The following ADH7 variants were observed in gnomAD, a reference collection of about 807,000 sequenced individuals.
ADH7 encodes all-trans-retinol dehydrogenase [NAD(+)] ADH7.
Under a neutral mutation model 34.4 loss-of-function variants are expected in ADH7, and 41 were observed. The ratio of observed to expected loss-of-function variants is 1.19; its 90% CI spans 0.93 to 1.55. The LOEUF is 1.55. Ranked by LOEUF, ADH7 falls within the 40% of genes most tolerant of loss-of-function variation. The pLI is 0.00. For synonymous variants in ADH7, 180 were observed against 160.9 expected, an observed-to-expected ratio of 1.12 and a Z score of -0.90; for missense variants, 540 against 461.2, an observed-to-expected ratio of 1.17 and a Z score of -1.56.
chr4:99,412,968 G>C lies in ADH7; in HGVS notation c.*180C>G. 2.0e-6 allele frequency: 1 copy of C among 493,188 alleles called. No individual in the cohort carries two copies. The highest frequency in any genetic ancestry group is 3.6e-6 in the Non-Finnish European group (1 of 281,422). 30.6% of individuals were successfully genotyped at this position (493,188 alleles called of 1,614,324 possible). A position where few individuals can be genotyped will look rare whatever the true frequency, so the allele number is the denominator to read the frequency against. On this transcript the variant is annotated 3_prime_UTR_variant, in exon 9 of 9. Coordinates refer to ENST00000437033, the MANE Select transcript of ADH7 (RefSeq NM_000673.7). ...ATTGTTATTATACTAATTCCCAGGTGCTCACAAGACTTTAAATGTTTATAA... is the reference window on the plus strand; with the variant it reads ...ATTGTTATTATACTAATTCCCAGGTCCTCACAAGACTTTAAATGTTTATAA...
intron 6 of ADH7, 136 bp from the exon 7 acceptor site, chr4:99,419,257 A>T (rs1177724596): frequency 9.2e-7 from 1 of 1,087,084 alleles, no homozygotes; most frequent in Non-Finnish European, 1.3e-6. Flanking sequence ...CTTTAAAAAA[A>T]TTTCAGTGCA....
chr4:99,427,906 C>A lies in ADH7; in HGVS notation c.431G>T (p.Ser144Ile). The A allele has an allele frequency of 6.2e-7, 1 of 1,613,988 alleles. No individual in the cohort carries two copies. The highest frequency in any genetic ancestry group is 1.3e-5 in the African/African-American group (1 of 75,036). The stretch of plus-strand genomic sequence containing the variant: ...CACCACTGTGTACTCGGTAAATGTA[C>A]TGGTGTTCATGAAGTGGTGGACTGG... ...GKPVHHFMNT[S>I]TFTEYTVVDE... Residue 144 changes from serine (S) to isoleucine (I), a missense_variant, in exon 5 of 9, where the codon AGT becomes ATT. Transcript: ENST00000437033.
intron 5 of ADH7, among the ~76,000 whole-genome samples, chr4:99,421,949 G>C (rs1721675174): frequency 6.6e-6 from 1 of 152,228 alleles, no homozygotes; most frequent in Admixed American, 6.5e-5. Flanking sequence ...AAACCACCGT[G>C]TGATACCATC....
intron 7 of ADH7, among the ~76,000 whole-genome samples, chr4:99,417,223 T>G (rs369009350): frequency 2.1e-4 from 32 of 152,224 alleles, no homozygotes; most frequent in African/African-American, 7.2e-4. Context: ...TGTGGTTTTA[T>G]TTCTCTCTCA....
chr4:99,435,062 C>T, intron 1 of ADH7, 154 bp downstream of exon 1: 1 of 1,545,872 alleles, frequency 6.5e-7, no homozygotes, highest in East Asian at 2.4e-5. Context: ...AACACCATAT[C>T]CAGTGTTTCC....
At chr4:99,415,204 T>G in intron 8 of ADH7, 1 of 346,892 alleles carries the variant, frequency 2.9e-6, no homozygotes, top group Non-Finnish European at 5.3e-6. Flanking sequence ...CCTTCCACCA[T>G]GATTATAAGT....
At chr4:99,432,589 G>A (rs991372629) in intron 1 of ADH7, 1 of 152,080 alleles carries the variant, frequency 6.6e-6, no homozygotes, top group Admixed American at 6.6e-5. Flanking sequence ...ATAGATAAAA[G>A]TTACCACATT....
In ADH7 at chr4:99,412,267, A is replaced by G. The variant is rs1185598117; in HGVS notation, c.*881T>C. On this transcript the variant is annotated 3_prime_UTR_variant, in exon 9 of 9. Coordinates refer to ENST00000437033, the MANE Select transcript of ADH7 (RefSeq NM_000673.7). ...AAAATATATCACCACAAAACATTTT[A>G]TATAATTTTTAATTTTCTTAAGAAT... 6.6e-6 allele frequency: 1 copy of G among 152,134 alleles called. No individual in the cohort carries two copies. Among genetic ancestry groups the G allele is most frequent in the African/African-American group, 2.4e-5 (1 of 41,452 alleles). The allele number at this position is 152,134 out of a possible 1,614,324, so 9.4% of individuals were successfully genotyped here.
intron 8 of ADH7, among the ~76,000 whole-genome samples, chr4:99,415,158 T>C (rs1240888038): frequency 6.6e-6 from 1 of 152,164 alleles, no homozygotes; most frequent in Non-Finnish European, 1.5e-5. Flanking sequence ...TTCTCCTTCC[T>C]GCAGCCTGTG....
At chr4:99,423,327 G>T (rs1216958494) in intron 5 of ADH7, among the ~76,000 whole-genome samples, 5 of 150,772 alleles carry the variant, frequency 3.3e-5, no homozygotes, top group African/African-American at 4.9e-5. Context: ...GAATAGTGCC[G>T]CAATAAACAT....
intron 5 of ADH7, among the ~76,000 whole-genome samples, chr4:99,427,243 C>T (rs1013979755): frequency 2.0e-5 from 3 of 152,084 alleles, no homozygotes; most frequent in Admixed American, 6.6e-5. Flanking sequence ...ACAAACACTA[C>T]TGTATTTTAT....
At chr4:99,426,080 AGCACTAAAT>A (rs1444769080) in intron 5 of ADH7, among the ~76,000 whole-genome samples, 8 of 152,222 alleles carry the variant, frequency 5.3e-5, no homozygotes, top group African/African-American at 1.9e-4. Flanking sequence ...AGAAATTTAC[AGCACTAAAT>A]GCCCACAAGA....
intron 5 of ADH7, among the ~76,000 whole-genome samples, chr4:99,422,035 C>G (rs532813749): frequency 6.6e-6 from 1 of 152,102 alleles, no homozygotes; most frequent in Non-Finnish European, 1.5e-5. Context: ...GAAATAAGAA[C>G]GCTTTTTACA....
intron 5 of ADH7, among the ~76,000 whole-genome samples, chr4:99,424,085 C>T (rs1397438883): frequency 7.2e-5 from 11 of 151,910 alleles, no homozygotes; most frequent in African/African-American, 2.7e-4. Context: ...CCAGTTTCAG[C>T]TTTCTACATA....
intron 7 of ADH7, among the ~76,000 whole-genome samples, chr4:99,418,490 C>T (rs1261561271): frequency 2.6e-5 from 4 of 152,140 alleles, no homozygotes; most frequent in Non-Finnish European, 4.4e-5. Flanking sequence ...GGCTCCATCT[C>T]TCCTAAAACA....
intron 1 of ADH7, among the ~76,000 whole-genome samples, chr4:99,431,150 A>G (rs1579581146): frequency 6.6e-6 from 1 of 152,212 alleles, no homozygotes; most frequent in Non-Finnish European, 1.5e-5. Context: ...AGATGTAAAT[A>G]TTGATCATAC....
intron 1 of ADH7, among the ~76,000 whole-genome samples, chr4:99,431,364 A>G (rs112566366): frequency 1.2e-3 from 184 of 152,228 alleles, no homozygotes; most frequent in African/African-American, 4.1e-3. Flanking sequence ...AACTCTAAAA[A>G]CCCTGGAAGA....
Position 99,429,567 on chromosome 4 carries a change from C to A in ADH7, c.85G>T (p.Val29Phe). The change falls in exon 2 of 9, where the codon GTT becomes TTT. Residue 29 changes from valine (V) to phenylalanine (F), a missense_variant. Val to Phe is a conservative substitution (Grantham distance 50). Coordinates refer to ENST00000437033, the MANE Select transcript of ADH7 (RefSeq NM_000673.7). Reference sequence around the variant, plus strand: ...ACTTCTTTAGTCTTTGGTGGGGCAACTTCTATTTCCTCAATGGAGAAGGGT... The same window carrying A: ...ACTTCTTTAGTCTTTGGTGGGGCAAATTCTATTTCCTCAATGGAGAAGGGT... ...KQPFSIEEIEVAPPKTKEVRI... is the reference protein window; with the variant it reads ...KQPFSIEEIEFAPPKTKEVRI... The A allele has an allele frequency of 6.2e-7, 1 of 1,612,440 alleles. No individual in the cohort carries two copies. Among genetic ancestry groups the A allele is most frequent in the South Asian group, 1.1e-5 (1 of 90,706 alleles).
rs765427932 is a variant in ADH7 at position 99,420,767 on chromosome 4, G to A, written c.591C>T (p.Val197=). 3.1e-6 allele frequency: 5 copies of A among 1,613,748 alleles called. No homozygotes were observed. The African/African-American group carries it at 6.7e-5, about 22-fold the overall frequency. ...ACAGGCCAACTCCTCCCAGGCCAAA[G>A]ACGACGCAAGTGGAACCAGGTTTGA... ...GKVKPGSTCV[V]FGLGGVGLSV... Residue 197 remains valine, a synonymous_variant, in exon 6 of 9, where the codon GTC becomes GTT. Coordinates refer to ENST00000437033, the MANE Select transcript of ADH7 (RefSeq NM_000673.7).
Sources: gnomAD v4.1 joint callset for allele counts (sites outside exome capture counted in the v4.1 genomes callset) on GRCh38, gnomAD v4.1.1 for gene constraint, MANE v1.5 for transcripts, NCBI Gene and HGNC (gene_info 2026-07-23, HGNC 2026-07-21) for gene names.